SMYD3: variants seen among roughly 807,000 people sequenced by gnomAD.
SMYD3 encodes the protein histone-lysine N-methyltransferase SMYD3.
Under a neutral mutation model 57.7 loss-of-function variants are expected in SMYD3, and 36 were observed. That is an observed-to-expected ratio of 0.62 (90% CI 0.48 to 0.82). SMYD3 has a LOEUF of 0.82. Ranked by LOEUF, SMYD3 falls within the 40% of genes least tolerant of loss-of-function variation. The pLI is 0.00. For missense variants in SMYD3, 515 were observed against 538.8 expected, an observed-to-expected ratio of 0.96 and a Z score of 0.44; for synonymous variants, 211 against 195.0, an observed-to-expected ratio of 1.08 and a Z score of -0.68.
At chr1:246,394,660 T>C (rs1008907687) in intron 1 of SMYD3, among the ~76,000 whole-genome samples, 1 of 152,192 alleles carries the variant, frequency 6.6e-6, no homozygotes, top group African/African-American at 2.4e-5. Flanking sequence ...CTATGCTTTA[T>C]TATATGAGAG....
At chr1:245,778,737 A>AG (rs1459498956) in intron 10 of SMYD3, among the ~76,000 whole-genome samples, 1 of 152,214 alleles carries the variant, frequency 6.6e-6, no homozygotes, top group African/African-American at 2.4e-5. Context: ...TAGAAGACGT[A>AG]GGGGAAAATC....
chr1:245,802,003 A>G (rs146514398), intron 10 of SMYD3, among the ~76,000 whole-genome samples: 60 of 152,164 alleles, frequency 3.9e-4, no homozygotes, highest in African/African-American at 1.3e-3. Flanking sequence ...GACTTGTTAT[A>G]TATAATCAAT....
intron 1 of SMYD3, among the ~76,000 whole-genome samples, chr1:246,472,534 G>A (rs2067975141): frequency 6.6e-6 from 1 of 152,134 alleles, no homozygotes; most frequent in Non-Finnish European, 1.5e-5. Flanking sequence ...GTTGGGCACA[G>A]GAGTTTGAGA....
chr1:246,304,625 T>C (rs1356868309), intron 5 of SMYD3, among the ~76,000 whole-genome samples: 1 of 152,180 alleles, frequency 6.6e-6, no homozygotes, highest in Non-Finnish European at 1.5e-5. Flanking sequence ...TTACTAGCAC[T>C]GCTAGAGTTT....
chr1:246,092,934 C>CA (rs1419314141), intron 5 of SMYD3, among the ~76,000 whole-genome samples: 4 of 149,436 alleles, frequency 2.7e-5, no homozygotes, highest in Admixed American at 6.7e-5. Flanking sequence ...AAAAAAAAAA[C>CA]AAAAAATGGG....
intron 5 of SMYD3, among the ~76,000 whole-genome samples, chr1:246,217,419 G>A (rs974036455): frequency 6.6e-6 from 1 of 152,086 alleles, no homozygotes; most frequent in Non-Finnish European, 1.5e-5. Context: ...TGGGATGGGA[G>A]GATCGCTCGA....
chr1:246,358,995 C>CA (rs113306569), intron 1 of SMYD3, among the ~76,000 whole-genome samples: 23,324 of 151,010 alleles, frequency 0.15, 2,029 homozygotes, highest in East Asian at 0.3. Flanking sequence ...TTGAAACAAA[C>CA]AAAAAAAATG....
chr1:246,418,228 C>T (rs2067091375), intron 1 of SMYD3, among the ~76,000 whole-genome samples: 2 of 152,330 alleles, frequency 1.3e-5, no homozygotes, highest in East Asian at 1.9e-4. Flanking sequence ...CTGCCACATG[C>T]TACAAGACGG....
intron 7 of SMYD3, among the ~76,000 whole-genome samples, chr1:245,923,643 T>C (rs527505913): frequency 2.3e-4 from 35 of 152,210 alleles, no homozygotes; most frequent in Non-Finnish European, 4.4e-4. Flanking sequence ...ATGGATCCTT[T>C]CAGAGTCTAG....
intron 6 of SMYD3, 140 bp from the exon 7 acceptor site, chr1:245,928,173 C>T (rs1012266518): frequency 1.5e-5 from 8 of 544,856 alleles, no homozygotes; most frequent in Non-Finnish European, 2.0e-5. Context: ...GTTCAGTACT[C>T]GGGGATGCAT....
intron 5 of SMYD3, among the ~76,000 whole-genome samples, chr1:246,031,688 G>A (rs1255549000): frequency 1.3e-5 from 2 of 150,150 alleles, no homozygotes; most frequent in Admixed American, 1.3e-4. Flanking sequence ...AGTGAGCAGA[G>A]ATCGCGCCAC....
chr1:245,952,233 A>C (rs1247247085), intron 5 of SMYD3, among the ~76,000 whole-genome samples: 1 of 152,164 alleles, frequency 6.6e-6, no homozygotes, highest in Non-Finnish European at 1.5e-5. Context: ...AATTAACCAA[A>C]GCATTATCAA....
intron 5 of SMYD3, among the ~76,000 whole-genome samples, chr1:246,179,608 T>C (rs926763464): frequency 5.3e-5 from 8 of 152,156 alleles, no homozygotes; most frequent in African/African-American, 1.9e-4. Context: ...CTTTGGGAAA[T>C]GTAATAGCAA....
At chr1:245,817,297 C>G (rs1361478226) in intron 10 of SMYD3, among the ~76,000 whole-genome samples, 3 of 143,194 alleles carry the variant, frequency 2.1e-5, no homozygotes, top group South Asian at 2.2e-4. Context: ...ACTGACACCT[C>G]ACATGGCAGG....
intron 10 of SMYD3, among the ~76,000 whole-genome samples, chr1:245,822,998 C>G (rs2049261555): frequency 6.6e-6 from 1 of 152,174 alleles, no homozygotes; most frequent in Admixed American, 6.6e-5. Context: ...TGCTCAGACA[C>G]TGTGCTAGCA....
At chr1:246,183,966 A>C (rs2062593616) in intron 5 of SMYD3, among the ~76,000 whole-genome samples, 1 of 152,256 alleles carries the variant, frequency 6.6e-6, no homozygotes, top group African/African-American at 2.4e-5. Flanking sequence ...AAAGCGCTTT[A>C]ATAAATGATG....
chr1:246,129,228 TA>T (rs774985124), intron 5 of SMYD3, among the ~76,000 whole-genome samples: 9 of 151,862 alleles, frequency 5.9e-5, no homozygotes, highest in African/African-American at 1.9e-4. Context: ...AAAACTGCTC[TA>T]AAAAAAATTA....
intron 1 of SMYD3, among the ~76,000 whole-genome samples, chr1:246,446,945 C>T (rs1253673626): frequency 6.6e-6 from 1 of 151,366 alleles, no homozygotes; most frequent in East Asian, 1.9e-4. Context: ...AGGAGAATCG[C>T]TTGAACCCGG....
intron 1 of SMYD3, among the ~76,000 whole-genome samples, chr1:246,363,804 T>C (rs1040984182): frequency 6.6e-6 from 1 of 152,046 alleles, no homozygotes; most frequent in Non-Finnish European, 1.5e-5. Flanking sequence ...CAGGGTCCTC[T>C]GCCTAGGAAA....
Sources: gnomAD v4.1 joint callset for allele counts (sites outside exome capture counted in the v4.1 genomes callset) on GRCh38, gnomAD v4.1.1 for gene constraint, MANE v1.5 for transcripts, NCBI Gene and HGNC (gene_info 2026-07-23, HGNC 2026-07-21) for gene names.